Variants in PTGER4 observed in about 807,000 individuals in gnomAD.
The protein encoded by PTGER4 is prostaglandin E receptor 4.
In PTGER4, 11 loss-of-function variants were observed where a neutral mutation model predicts 33.2. The observed-to-expected ratio is 0.33, with a 90% CI of 0.21 to 0.55. The LOEUF (loss-of-function observed/expected upper bound fraction) is 0.55, where lower values mean the gene tolerates loss of function less well. PTGER4 is among the 20% of genes least tolerant of loss of function. PTGER4 has a pLI of 0.92. For synonymous variants in PTGER4, 275 were observed against 281.5 expected, an observed-to-expected ratio of 0.98 and a Z score of 0.23; for missense variants, 481 against 650.2, an observed-to-expected ratio of 0.74 and a Z score of 2.83.
intron 2 of PTGER4, among the ~76,000 whole-genome samples, chr5:40,690,771 A>G (rs1471988561): frequency 6.6e-6 from 1 of 152,248 alleles, no homozygotes; most frequent in African/African-American, 2.4e-5. Context: ...GACAGCTGGA[A>G]TAAGAAATCA....
downstream of PTGER4, among the ~76,000 whole-genome samples, chr5:40,697,234 G>A (rs1254504779): frequency 1.4e-5 from 1 of 73,576 alleles, no homozygotes; most frequent in African/African-American, 4.3e-5. Context: ...AGAAAAGAAA[G>A]AAAGAAAGAA....
chr5:40,699,257 T>G, the PTGER4 span, among the ~76,000 whole-genome samples: 3 of 151,502 alleles, frequency 2.0e-5, no homozygotes, highest in South Asian at 6.2e-4. Context: ...TAGCAATAGA[T>G]TCAATTAATG....
At chr5:40,698,742 A>G in the PTGER4 span, among the ~76,000 whole-genome samples, 2 of 152,322 alleles carry the variant, frequency 1.3e-5, no homozygotes, top group African/African-American at 4.8e-5. Flanking sequence ...GGAGACAACT[A>G]ATTATTTTGA....
chr5:40,733,335 T>C, the PTGER4 span, among the ~76,000 whole-genome samples: 2 of 152,144 alleles, frequency 1.3e-5, no homozygotes, highest in East Asian at 1.9e-4. Context: ...TTTTAGGTTT[T>C]GTGAACCATA....
chr5:40,693,232 C>A lies in PTGER4; in HGVS notation c.*854C>A. 1 of 984,034 alleles carries A rather than the reference C, an allele frequency of 1.0e-6. No homozygotes were observed. The highest frequency in any genetic ancestry group is 5.2e-4 in the Middle Eastern group (1 of 1,910). 61.0% of individuals were successfully genotyped at this position (984,034 alleles called of 1,614,324 possible). A position where few individuals can be genotyped will look rare whatever the true frequency, so the allele number is the denominator to read the frequency against. On this transcript the variant is annotated 3_prime_UTR_variant, in exon 3 of 3. Coordinates refer to ENST00000302472, the MANE Select transcript of PTGER4 (RefSeq NM_000958.3). ...CTGGTGAATATTTTCAACTTTTTCC[C>A]TCACTAATTGGTACTTTTAAAAACA...
rs1195153200 is a variant in PTGER4 at position 40,683,588 on chromosome 5, TAGAGC to T, written c.867+1729_867+1733del. 3.9e-5 allele frequency among the ~76,000 whole-genome samples: 6 copies of T among 152,218 alleles called. No homozygotes were observed. The highest frequency in any genetic ancestry group is 8.8e-5 in the Non-Finnish European group (6 of 68,032). Reference sequence around the variant, plus strand: ...CATCCACTTAAAGGGACAGAGGAATTAGAGCTAGAAGGTTAGCAACATGCACATAC... The same window carrying T: ...CATCCACTTAAAGGGACAGAGGAATTTAGAAGGTTAGCAACATGCACATAC... On this transcript the variant is annotated intron_variant, in intron 2 of 2. Coordinates refer to ENST00000302472, the MANE Select transcript of PTGER4 (RefSeq NM_000958.3). This position sits in a 1 kb window ranked among gnomAD's most constrained non-coding sequence, Gnocchi z 4.2.
At chr5:40,701,305 A>C in the PTGER4 span, among the ~76,000 whole-genome samples, 1 of 152,362 alleles carries the variant, frequency 6.6e-6, no homozygotes, top group African/African-American at 2.4e-5. Flanking sequence ...ACAGGAGCTG[A>C]AGGATGAAAT....
intron 2 of PTGER4, among the ~76,000 whole-genome samples, chr5:40,684,750 A>G (rs762350378): frequency 9.2e-5 from 14 of 152,192 alleles, no homozygotes; most frequent in Admixed American, 2.0e-4. Flanking sequence ...TACAAGGAAC[A>G]TCACATGACA....
chr5:40,682,969 A>G (rs1261509947), intron 2 of PTGER4, among the ~76,000 whole-genome samples: 1 of 152,224 alleles, frequency 6.6e-6, no homozygotes, highest in African/African-American at 2.4e-5. Flanking sequence ...CTAGTTTTCT[A>G]CTTTGCCTGT....
At position 40,693,388 on chromosome 5, in the gene PTGER4, CAAG is replaced by C. The variant is rs1741519459; in HGVS notation, c.*1013_*1015del. On this transcript the variant is annotated 3_prime_UTR_variant, in exon 3 of 3. Coordinates refer to ENST00000302472, the MANE Select transcript of PTGER4 (RefSeq NM_000958.3). ...TAGTTTTACTTTCCTAAGGAATTACCAAGAATATCCTTTAAAATTTAAAAGGAT... is the reference window on the plus strand; with the variant it reads ...TAGTTTTACTTTCCTAAGGAATTACCAATATCCTTTAAAATTTAAAAGGAT... The C allele has an allele frequency of 1.0e-6, 1 of 984,214 alleles. No individual in the cohort carries two copies. The highest frequency in any genetic ancestry group is 1.8e-5 in the African/African-American group (1 of 57,096). The allele number at this position is 984,214 out of a possible 1,614,324, so 61.0% of individuals were successfully genotyped here. A position where few individuals can be genotyped will look rare whatever the true frequency, so the allele number is the denominator to read the frequency against.
At chr5:40,719,910 T>C in the PTGER4 span, among the ~76,000 whole-genome samples, 1 of 152,218 alleles carries the variant, frequency 6.6e-6, no homozygotes, top group Non-Finnish European at 1.5e-5. Context: ...TATTGAGTTG[T>C]AAGAGTTTTT....
chr5:40,708,726 C>T, the PTGER4 span, among the ~76,000 whole-genome samples: 1 of 151,968 alleles, frequency 6.6e-6, no homozygotes, highest in Admixed American at 6.6e-5. Flanking sequence ...AGAGACACAA[C>T]AAAAAAAGAG....
chr5:40,685,333 C>T, intron 2 of PTGER4: 1 of 925,158 alleles, frequency 1.1e-6, no homozygotes, highest in African/African-American at 1.8e-5. Context: ...ATTTGATCAG[C>T]AAAAGTTTAT....
At chr5:40,743,064 A>G in the PTGER4 span, among the ~76,000 whole-genome samples, 1 of 152,356 alleles carries the variant, frequency 6.6e-6, no homozygotes, top group East Asian at 1.9e-4. Flanking sequence ...AAAACAACAT[A>G]TAAACAAAAT....
chr5:40,728,628 G>A, the PTGER4 span: 6 of 632,052 alleles, frequency 9.5e-6, no homozygotes, highest in Admixed American at 6.9e-5. Context: ...TTCAGGGTAA[G>A]AAATTATAGT....
At chr5:40,722,859 T>TG in the PTGER4 span, among the ~76,000 whole-genome samples, 16 of 149,268 alleles carry the variant, frequency 1.1e-4, no homozygotes, top group African/African-American at 4.9e-5. Context: ...GTCCGGGAGG[T>TG]GGGGGGCGCC....
chr5:40,730,658 A>G, the PTGER4 span, among the ~76,000 whole-genome samples: 1 of 152,160 alleles, frequency 6.6e-6, no homozygotes, highest in African/African-American at 2.4e-5. Flanking sequence ...CAGGAGGAGC[A>G]GTCATGTACT....
At chr5:40,723,564 T>C in the PTGER4 span, among the ~76,000 whole-genome samples, 2 of 149,744 alleles carry the variant, frequency 1.3e-5, no homozygotes, top group African/African-American at 4.9e-5. Flanking sequence ...ATGGGTATTA[T>C]CACACACACA....
the PTGER4 span, among the ~76,000 whole-genome samples, chr5:40,713,837 C>A: frequency 3.2e-4 from 48 of 150,464 alleles, no homozygotes; most frequent in Non-Finnish European, 6.0e-4. Flanking sequence ...TTAAAATTAA[C>A]AAGCTTAGTC....
Sources: gnomAD v4.1 joint callset for allele counts (sites outside exome capture counted in the v4.1 genomes callset) on GRCh38, gnomAD v4.1.1 for gene constraint, Gnocchi (gnomAD v3.1) non-coding constraint, MANE v1.5 for transcripts, NCBI Gene and HGNC (gene_info 2026-07-23, HGNC 2026-07-21) for gene names.